ATRNL1: variants seen among roughly 807,000 people sequenced by gnomAD.
ATRNL1 encodes the protein attractin like 1.
ATRNL1 carries 95 observed loss-of-function variants against 182.7 expected under a neutral mutation model. That is an observed-to-expected ratio of 0.52 (90% CI 0.44 to 0.62). The LOEUF (loss-of-function observed/expected upper bound fraction) is 0.62, where lower values mean the gene tolerates loss of function less well. Among genes scored for constraint, ATRNL1 ranks in the 20% least tolerant of loss-of-function variants. The probability of loss-of-function intolerance (pLI) is 0.00; values close to 1 mark genes in which losing one functional copy is unlikely to be tolerated. For synonymous variants in ATRNL1, 576 were observed against 568.3 expected (o/e 1.01, Z -0.19); for missense variants, 1,471 against 1,679.5 (o/e 0.88, Z 2.17).
intron 21 of ATRNL1, among the ~76,000 whole-genome samples, chr10:115,443,079 G>T (rs1284234123): frequency 6.6e-6 from 1 of 151,796 alleles, no homozygotes; most frequent in Non-Finnish European, 1.5e-5. Flanking sequence ...TTATTAGTTT[G>T]CTATTCAGAA....
chr10:115,869,400 C>G (rs1951523709), intron 28 of ATRNL1, among the ~76,000 whole-genome samples: 1 of 152,150 alleles, frequency 6.6e-6, no homozygotes, highest in Non-Finnish European at 1.5e-5. Context: ...TGGGAAAGAG[C>G]TAGGCTCCTT....
intron 8 of ATRNL1, among the ~76,000 whole-genome samples, chr10:115,210,831 C>T (rs1397175218): frequency 6.6e-5 from 10 of 152,098 alleles, no homozygotes; most frequent in African/African-American, 2.2e-4. Flanking sequence ...TCACAGTCTA[C>T]TGGCACCAGT....
intron 22 of ATRNL1, among the ~76,000 whole-genome samples, chr10:115,463,203 T>C (rs1358169869): frequency 6.6e-6 from 1 of 151,940 alleles, no homozygotes; most frequent in Non-Finnish European, 1.5e-5. Context: ...ATATAATTTC[T>C]TAAATTTTTC....
At chr10:115,204,934 T>C (rs553663598) in intron 8 of ATRNL1, among the ~76,000 whole-genome samples, 1 of 152,206 alleles carries the variant, frequency 6.6e-6, no homozygotes, top group African/African-American at 2.4e-5. Context: ...TTTTGATTAA[T>C]GATTCAAAAA....
intron 8 of ATRNL1, among the ~76,000 whole-genome samples, chr10:115,190,466 G>A (rs564842115): frequency 6.6e-6 from 1 of 152,108 alleles, no homozygotes; most frequent in African/African-American, 2.4e-5. Context: ...GGATATATCA[G>A]TGCCTTAAAA....
chr10:115,694,089 C>T (rs1032946163), intron 26 of ATRNL1, among the ~76,000 whole-genome samples: 1 of 151,832 alleles, frequency 6.6e-6, no homozygotes, highest in Non-Finnish European at 1.5e-5. Context: ...TGTTCCTTAT[C>T]TATGCCTCTT....
intron 10 of ATRNL1, among the ~76,000 whole-genome samples, chr10:115,258,759 A>C (rs988356760): frequency 6.6e-6 from 1 of 151,866 alleles, no homozygotes; most frequent in Non-Finnish European, 1.5e-5. Flanking sequence ...GGTTTTATCT[A>C]CCTTTGGTCT....
At chr10:115,708,504 T>C (rs1946968096) in intron 26 of ATRNL1, among the ~76,000 whole-genome samples, 1 of 151,792 alleles carries the variant, frequency 6.6e-6, no homozygotes, top group Admixed American at 6.6e-5. Flanking sequence ...ATAAACTCTT[T>C]CTTCCTTTTT....
intron 8 of ATRNL1, among the ~76,000 whole-genome samples, chr10:115,185,540 G>A (rs925792290): frequency 8.5e-5 from 13 of 152,172 alleles, no homozygotes; most frequent in South Asian, 4.1e-4. Flanking sequence ...CTTACACTGA[G>A]AGTAGACAGA....
intron 1 of ATRNL1, among the ~76,000 whole-genome samples, chr10:115,105,458 G>A (rs574107501): frequency 1.3e-5 from 2 of 152,362 alleles, no homozygotes; most frequent in East Asian, 3.9e-4. Context: ...TAAGCCAGCT[G>A]CAGAAATTTG....
At chr10:115,173,387 G>A (rs1847369848) in intron 8 of ATRNL1, among the ~76,000 whole-genome samples, 1 of 151,770 alleles carries the variant, frequency 6.6e-6, no homozygotes, top group African/African-American at 2.4e-5. Context: ...TTTTCTTTGT[G>A]CCTCAGTTTT....
intron 26 of ATRNL1, 62 bp from the exon 27 acceptor site, chr10:115,727,186 A>G: frequency 1.7e-6 from 2 of 1,144,262 alleles, no homozygotes; most frequent in Non-Finnish European, 2.6e-6. Context: ...GGAACCAGAT[A>G]TTGTTGAATT....
intron 24 of ATRNL1, among the ~76,000 whole-genome samples, chr10:115,494,379 G>A (rs1170120830): frequency 1.3e-5 from 2 of 152,174 alleles, no homozygotes; most frequent in Admixed American, 6.5e-5. Context: ...GTGTCGAACA[G>A]GAGTGGTGAG....
intron 21 of ATRNL1, among the ~76,000 whole-genome samples, chr10:115,434,059 C>T (rs74947102): frequency 0.031 from 4,771 of 152,112 alleles, 242 homozygotes; most frequent in African/African-American, 0.11. Flanking sequence ...GTATATAGTT[C>T]TTTATTTGTG....
At chr10:115,852,094 C>G (rs1220999961) in intron 28 of ATRNL1, among the ~76,000 whole-genome samples, 5 of 152,152 alleles carry the variant, frequency 3.3e-5, no homozygotes, top group Non-Finnish European at 7.3e-5. Flanking sequence ...TGGATTCTTC[C>G]TAATGAGAAG....
intron 10 of ATRNL1, among the ~76,000 whole-genome samples, chr10:115,245,711 A>G (rs782453457): frequency 1.3e-5 from 2 of 152,016 alleles, no homozygotes; most frequent in African/African-American, 2.4e-5. Flanking sequence ...GAAAATTCCA[A>G]TCTGCTTGCT....
intron 21 of ATRNL1, among the ~76,000 whole-genome samples, chr10:115,458,511 A>G (rs556126961): frequency 6.6e-6 from 1 of 152,216 alleles, no homozygotes; most frequent in South Asian, 2.1e-4. Context: ...TCATTACCAT[A>G]CACAAGATAC....
chr10:115,421,951 C>T (rs1188034663), intron 20 of ATRNL1, among the ~76,000 whole-genome samples: 5 of 152,066 alleles, frequency 3.3e-5, no homozygotes, highest in South Asian at 2.1e-4. Context: ...GATGAAAGGA[C>T]TCCCTATTCA....
chr10:115,546,935 G>A (rs1554993881), intron 25 of ATRNL1, among the ~76,000 whole-genome samples: 2 of 152,060 alleles, frequency 1.3e-5, no homozygotes, highest in Admixed American at 1.3e-4. Flanking sequence ...TAACCTAGAA[G>A]GCAGACACAG....
Sources: allele counts gnomAD v4.1 joint callset (sites outside exome capture counted in the v4.1 genomes callset), GRCh38; gene constraint gnomAD v4.1.1; transcripts MANE v1.5; gene names NCBI Gene and HGNC (gene_info 2026-07-23, HGNC 2026-07-21).